Variants in TMEM132A observed in about 807,000 individuals in gnomAD.
TMEM132A encodes transmembrane protein 132A.
In TMEM132A, 48 loss-of-function variants were observed where a neutral mutation model predicts 69.9. The observed-to-expected ratio is 0.69, with a 90% CI of 0.55 to 0.87. The LOEUF (loss-of-function observed/expected upper bound fraction) is 0.87. TMEM132A is among the 40% of genes least tolerant of loss of function. The pLI is 0.00. For synonymous variants in TMEM132A, 577 were observed against 613.7 expected (o/e 0.94, Z 0.88); for missense variants, 1,287 against 1,407.2 (o/e 0.91, Z 1.37).
chr11:60,928,471 G>T (rs756197607), intron 3 of TMEM132A, among the ~76,000 whole-genome samples, 158 bp from the exon 4 acceptor site: 1 of 152,188 alleles, frequency 6.6e-6, no homozygotes, highest in Non-Finnish European at 1.5e-5. Flanking sequence ...CAGCCAGGTT[G>T]CTGGTTTGCT....
intron 1 of TMEM132A, among the ~76,000 whole-genome samples, chr11:60,926,874 C>T (rs1027546553): frequency 6.6e-6 from 1 of 151,970 alleles, no homozygotes; most frequent in Non-Finnish European, 1.5e-5. Context: ...GTATCAGAGG[C>T]GAGTAGATGG....
Position 60,931,769 on chromosome 11 carries a change from C to T in TMEM132A, c.1097C>T (p.Pro366Leu). 6.2e-7 allele frequency: 1 copy of T among 1,614,200 alleles called. No homozygotes were observed. Among genetic ancestry groups the T allele is most frequent in the South Asian group, 1.1e-5 (1 of 91,086 alleles). Residue 366 changes from proline to leucine, a missense_variant, in exon 6 of 11, where the codon CCC (proline) becomes CTC (leucine). Coordinates refer to ENST00000453848, the MANE Select transcript of TMEM132A (RefSeq NM_178031.3). Reference protein sequence around the residue: ...STGGGVAVTRPVTWQLEYPGQ... With the variant: ...STGGGVAVTRLVTWQLEYPGQ... The stretch of plus-strand genomic sequence containing the variant: ...GGTGGGGGCGTAGCGGTCACTCGCC[C>T]CGTCACGTGGCAGCTGGAGTACCCA...
In TMEM132A at chr11:60,927,749, C is replaced by T; in HGVS notation, c.424C>T (p.Leu142Phe). 2.5e-6 allele frequency: 4 copies of T among 1,613,480 alleles called. No homozygotes were observed. Among genetic ancestry groups the T allele is most frequent in the Non-Finnish European group, 3.4e-6 (4 of 1,180,030 alleles). The part of the protein sequence containing the change: ...VTPAEPYARV[L>F]FHLKGQDWPP... ...TCCAGCAGAGCCCTACGCCCGGGTT[C>T]TCTTCCACCTCAAAGGGCAGGATTG... Residue 142 changes from leucine (L) to phenylalanine (F), a missense_variant, in exon 3 of 11, where the codon CTC becomes TTC. Transcript: ENST00000453848.
At chr11:60,934,793 C>A (rs1386739850) in intron 9 of TMEM132A, 29 bp downstream of exon 9, 5 of 1,570,046 alleles carry the variant, frequency 3.2e-6, no homozygotes, top group African/African-American at 1.4e-5. Context: ...GGAGAGTAGA[C>A]CCCCTGAGAA....
rs924017024 is a variant in TMEM132A at position 60,935,785 on chromosome 11, C to A, written c.2029-79C>A. On this transcript the variant is annotated intron_variant, in intron 10 of 10. Transcript: ENST00000453848. This position sits in a 1 kb window ranked among gnomAD's most constrained non-coding sequence, Gnocchi z 5.0. Reference sequence around the variant, plus strand: ...TCTCTCTGGTCTCTCCTCCATGTGGCCTATCTCTGTGGGAGTGGTTTCTCT... The same window carrying A: ...TCTCTCTGGTCTCTCCTCCATGTGGACTATCTCTGTGGGAGTGGTTTCTCT... The A allele has an allele frequency of 2.0e-6, 3 of 1,503,142 alleles. No individual in the cohort carries two copies. Among genetic ancestry groups the A allele is most frequent in the African/African-American group, 1.4e-5 (1 of 71,742 alleles). The allele number at this position is 1,503,142 out of a possible 1,614,324, so 93.1% of individuals were successfully genotyped here.
Position 60,927,695 on chromosome 11 carries a change from C to T in TMEM132A, c.370C>T (p.Arg124Trp), listed in dbSNP as rs373031720. The T allele has an allele frequency of 2.8e-5, 45 of 1,613,470 alleles. No individual in the cohort carries two copies. The highest frequency in any genetic ancestry group is 3.3e-4 in the Middle Eastern group (2 of 6,084). The change falls in exon 3 of 11, where the codon CGG (arginine) becomes TGG (tryptophan). Residue 124 changes from arginine to tryptophan, a missense_variant. Coordinates refer to ENST00000453848, the MANE Select transcript of TMEM132A (RefSeq NM_178031.3). The stretch of plus-strand genomic sequence containing the variant: ...CCAACGGCCAGTCCCATGGGACGTG[C>T]GGGCCGTTTCAGTGGAAGCGGCTGT... Reference protein sequence around the residue: ...PHQRPVPWDVRAVSVEAAVTP... With the variant: ...PHQRPVPWDVWAVSVEAAVTP...
At chr11:60,931,609 TA>T in intron 5 of TMEM132A, 79 bp from the exon 6 acceptor site, 1 of 1,385,220 alleles carries the variant, frequency 7.2e-7, no homozygotes, top group Non-Finnish European at 1.0e-6. Context: ...AAAATGGGGA[TA>T]ATCATGAATG....
In TMEM132A at chr11:60,929,896, G is replaced by C. The variant is rs1367565006; in HGVS notation, c.867-614G>C. 7.6e-4 allele frequency among the ~76,000 whole-genome samples: 10 copies of C among 13,112 alleles called. 1 individual carries two copies. The allele number at this position is 13,112 out of a possible 152,430, so 8.6% of individuals were successfully genotyped here. A position where few individuals can be genotyped will look rare whatever the true frequency, so the allele number is the denominator to read the frequency against. On this transcript the variant is annotated intron_variant, in intron 4 of 10. Coordinates refer to ENST00000453848, the MANE Select transcript of TMEM132A (RefSeq NM_178031.3). Reference sequence around the variant, plus strand: ...AGCAAGGGCCAGTCCCTATCTGGCAGAAAGGGGCCCCAGTGGTAGGGAAGG... The same window carrying C: ...AGCAAGGGCCAGTCCCTATCTGGCACAAAGGGGCCCCAGTGGTAGGGAAGG...
Position 60,931,858 on chromosome 11 carries a change from A to G in TMEM132A, c.1186A>G (p.Ile396Val), listed in dbSNP as rs781065699. 3.1e-6 allele frequency: 5 copies of G among 1,614,136 alleles called. No homozygotes were observed. The South Asian group carries it at 4.4e-5, about 14-fold the overall frequency. The part of the protein sequence containing the change: ...VWEILVSERD[I>V]RALIPLAKAE... ...GGAAATCCTGGTGTCTGAGCGGGAC[A>G]TCAGAGCCCTTATCCCACTGGCCAA... The change falls in exon 6 of 11, where the codon ATC becomes GTC. Residue 396 changes from isoleucine (I) to valine (V), a missense_variant. Transcript: ENST00000453848.
chr11:60,927,022 AC>A (rs1305114324), intron 1 of TMEM132A, 181 bp from the exon 2 acceptor site: 1 of 657,364 alleles, frequency 1.5e-6, no homozygotes, highest in African/African-American at 1.8e-5. Flanking sequence ...GCTACATACT[AC>A]CTGTGTGAGG....
chr11:60,926,649 C>T (rs961985752), intron 1 of TMEM132A: 4 of 174,614 alleles, frequency 2.3e-5, no homozygotes, highest in African/African-American at 4.8e-5. Context: ...CTTCCGCGCC[C>T]GCCCATCCCA....
In TMEM132A at chr11:60,936,322, G is replaced by A; in HGVS notation, c.2487G>A (p.Glu829=). 2 of 1,613,722 alleles carry A rather than the reference G, an allele frequency of 1.2e-6. No homozygotes were observed. Among genetic ancestry groups the A allele is most frequent in the Non-Finnish European group, 1.7e-6 (2 of 1,179,640 alleles). The change falls in exon 11 of 11, where the codon GAG becomes GAA. Residue 829 remains glutamate (E), a synonymous_variant. Coordinates refer to ENST00000453848, the MANE Select transcript of TMEM132A (RefSeq NM_178031.3). ...AGGAGACCGAAGCCAGGGAGGAGGA[G>A]GAGGAAGAGGAGGAGGAGATGGTCC... is the stretch of plus-strand genomic sequence containing the variant. ...RKEETEAREE[E]EEEEEEMVPA...
At chr11:60,927,036 C>G (rs1271205672) in intron 1 of TMEM132A, 168 bp from the exon 2 acceptor site, 1 of 685,486 alleles carries the variant, frequency 1.5e-6, no homozygotes, top group Non-Finnish European at 2.6e-6. Flanking sequence ...GTGTGAGGCT[C>G]TTTAAGCCTC....
intron 2 of TMEM132A, 70 bp from the exon 3 acceptor site, chr11:60,927,571 G>A (rs1426872888): frequency 1.4e-6 from 2 of 1,479,564 alleles, no homozygotes; most frequent in Non-Finnish European, 1.8e-6. Flanking sequence ...CTGCCAAGCT[G>A]GGATCCCATC....
chr11:60,931,741 A>G lies in TMEM132A; in HGVS notation c.1069A>G (p.Thr357Ala), dbSNP rs143804473. The change falls in exon 6 of 11, where the codon ACT becomes GCT. Residue 357 changes from threonine to alanine, a missense_variant. Thr to Ala is a moderately conservative substitution (Grantham distance 58, BLOSUM62 0). Transcript: ENST00000453848. ...LWVDFVVENS[T>A]GGGVAVTRPV... ...GGTGGACTTTGTGGTGGAGAATAGC[A>G]CTGGTGGGGGCGTAGCGGTCACTCG... 79 of 1,614,182 alleles carry G rather than the reference A, an allele frequency of 4.9e-5. No homozygotes were observed. In the African/African-American group the frequency reaches 9.9e-4, roughly 20 times the overall value.
Position 60,935,790 on chromosome 11 carries a change from C to T in TMEM132A, c.2029-74C>T. 6.5e-7 allele frequency: 1 copy of T among 1,534,646 alleles called. No individual in the cohort carries two copies. Among genetic ancestry groups the T allele is most frequent in the Non-Finnish European group, 8.8e-7 (1 of 1,131,354 alleles). ...CTGGTCTCTCCTCCATGTGGCCTAT[C>T]TCTGTGGGAGTGGTTTCTCTGTGCA... On this transcript the variant is annotated intron_variant, in intron 10 of 10. Transcript: ENST00000453848. The surrounding 1 kb of genome is among the most constrained non-coding windows in gnomAD (Gnocchi z 5.0).
Position 60,930,504 on chromosome 11 carries a change from C to T in TMEM132A, c.867-6C>T, listed in dbSNP as rs1157363615. The stretch of plus-strand genomic sequence containing the variant: ...TGCCAAACTGAGCCTATACTCTCTT[C>T]CCCAGGATCAAGGTGAAGAAGGGGC... On this transcript the variant is annotated splice_polypyrimidine_tract_variant and splice_region_variant and intron_variant, in intron 4 of 10. Coordinates refer to ENST00000453848, the MANE Select transcript of TMEM132A (RefSeq NM_178031.3). The T allele has an allele frequency of 5.6e-6, 9 of 1,596,018 alleles. No individual in the cohort carries two copies. The highest frequency in any genetic ancestry group is 7.7e-6 in the Non-Finnish European group (9 of 1,171,096).
chr11:60,927,590 T>A (rs762563313), intron 2 of TMEM132A, 51 bp from the exon 3 acceptor site: 2 of 1,533,414 alleles, frequency 1.3e-6, no homozygotes, highest in East Asian at 4.5e-5. Context: ...TCTTCCTAGA[T>A]CTTCCCCTCC....
At chr11:60,929,833 G>A (rs887069204) in intron 4 of TMEM132A, among the ~76,000 whole-genome samples, 2 of 152,146 alleles carry the variant, frequency 1.3e-5, no homozygotes, top group Non-Finnish European at 1.5e-5. Context: ...CTTACAGCCT[G>A]CCAAGCCCTG....
Sources: allele counts gnomAD v4.1 joint callset (sites outside exome capture counted in the v4.1 genomes callset), GRCh38; gene constraint gnomAD v4.1.1; non-coding constraint Gnocchi (gnomAD v3.1); transcripts MANE v1.5; gene names NCBI Gene and HGNC (gene_info 2026-07-23, HGNC 2026-07-21).